Variants in DHRSX observed in about 807,000 individuals in gnomAD.
The protein encoded by DHRSX is dehydrogenase/reductase X-linked.
DHRSX carries 31 observed loss-of-function variants against 34.0 expected under a neutral mutation model. The observed-to-expected ratio is 0.91, with a 90% CI of 0.69 to 1.23. The LOEUF (loss-of-function observed/expected upper bound fraction) is 1.23. Among genes scored for constraint, DHRSX ranks in the 50% most tolerant of loss-of-function variants. DHRSX has a pLI of 0.00. For synonymous variants in DHRSX, 201 were observed against 183.8 expected, an observed-to-expected ratio of 1.09 and a Z score of -0.76; for missense variants, 414 against 428.1, an observed-to-expected ratio of 0.97 and a Z score of 0.29.
intron 5 of DHRSX, among the ~76,000 whole-genome samples, chrX:2,265,240 T>C (rs750446897): frequency 1.8e-4 from 2 of 11,014 alleles, no homozygotes; most frequent in East Asian, 3.7e-3. Flanking sequence ...GCACCAGTGC[T>C]CAGCAGACGC....
chrX:2,414,709 C>G (rs1377721360), intron 2 of DHRSX, among the ~76,000 whole-genome samples: 2 of 151,512 alleles, frequency 1.3e-5, no homozygotes, highest in African/African-American at 4.9e-5. Context: ...CACAACTAGA[C>G]TGCATCATAA....
intron 1 of DHRSX, among the ~76,000 whole-genome samples, chrX:2,448,373 A>G (rs1163683195): frequency 6.7e-6 from 1 of 149,350 alleles, no homozygotes; most frequent in Admixed American, 6.8e-5. Flanking sequence ...TTTCAGTTAC[A>G]TAAAAGAAAT....
intron 3 of DHRSX, among the ~76,000 whole-genome samples, chrX:2,371,592 T>C (rs2043070640): frequency 6.7e-6 from 1 of 150,340 alleles, no homozygotes; most frequent in South Asian, 2.1e-4. Context: ...CCTCCTCCCA[T>C]TAGCAGAGTC....
chrX:2,275,726 T>C (rs1233310278), intron 4 of DHRSX, among the ~76,000 whole-genome samples: 1 of 151,544 alleles, frequency 6.6e-6, no homozygotes, highest in Non-Finnish European at 1.5e-5. Context: ...GAGGCGGAGA[T>C]TGCAGTGAGA....
intron 3 of DHRSX, among the ~76,000 whole-genome samples, chrX:2,360,994 A>G (rs1355786182): frequency 6.6e-6 from 1 of 152,178 alleles, no homozygotes; most frequent in Non-Finnish European, 1.5e-5. Context: ...TTTAGTGATG[A>G]TAAGAGCAAT....
intron 4 of DHRSX, among the ~76,000 whole-genome samples, chrX:2,268,914 C>T (rs1007130962): frequency 6.6e-6 from 1 of 152,198 alleles, no homozygotes; most frequent in African/African-American, 2.4e-5. Flanking sequence ...CATTTGTGCA[C>T]GTTTGCATTT....
chrX:2,390,822 CT>C (rs1308027778), intron 3 of DHRSX, among the ~76,000 whole-genome samples: 2 of 152,154 alleles, frequency 1.3e-5, no homozygotes, highest in Non-Finnish European at 2.9e-5. Flanking sequence ...AATATCCTTC[CT>C]TTTTTATGGC....
Position 2,231,593 on chromosome X carries a change from T to C in DHRSX, c.805-10364A>G, listed in dbSNP as rs763278446. Among the ~76,000 whole-genome samples, 6 of 51,996 alleles carry C rather than the reference T, an allele frequency of 1.2e-4. No homozygotes were observed. In the East Asian group the frequency reaches 4.2e-3, roughly 37 times the overall value. The allele number at this position is 51,996 out of a possible 152,430, so 34.1% of individuals were successfully genotyped here. On this transcript the variant is annotated intron_variant, in intron 6 of 6. Coordinates refer to ENST00000334651, the MANE Select transcript of DHRSX (RefSeq NM_145177.3). Reference sequence around the variant, plus strand: ...TCTTCCTCCTCCATCGTATCCTCCTTTTTCTTTTTTCCCTTATTCTCCTTT... The same window carrying C: ...TCTTCCTCCTCCATCGTATCCTCCTCTTTCTTTTTTCCCTTATTCTCCTTT...
intron 1 of DHRSX, among the ~76,000 whole-genome samples, chrX:2,492,342 C>T (rs1401052134): frequency 6.7e-6 from 1 of 149,986 alleles, no homozygotes; most frequent in African/African-American, 2.5e-5. Flanking sequence ...AGACAGAGGC[C>T]GAGACTGGAG....
At chrX:2,465,085 A>T (rs1281170734) in intron 1 of DHRSX, among the ~76,000 whole-genome samples, 2 of 152,054 alleles carry the variant, frequency 1.3e-5, no homozygotes, top group African/African-American at 4.8e-5. Context: ...CTCACTGAAG[A>T]CGTTCCCTAA....
intron 1 of DHRSX, among the ~76,000 whole-genome samples, chrX:2,470,167 T>A (rs2044567010): frequency 6.7e-6 from 1 of 149,842 alleles, no homozygotes; most frequent in South Asian, 2.1e-4. Context: ...TACTGTATCA[T>A]CTCGTATGTA....
intron 1 of DHRSX, among the ~76,000 whole-genome samples, chrX:2,498,625 G>GAAAA (rs10624636): frequency 4.5e-4 from 58 of 128,748 alleles, no homozygotes; most frequent in African/African-American, 1.6e-3. Context: ...CAGTAAATGG[G>GAAAA]AAAAAAAAAA....
At chrX:2,405,145 C>A (rs1346052060) in intron 3 of DHRSX, among the ~76,000 whole-genome samples, 1 of 145,928 alleles carries the variant, frequency 6.9e-6, no homozygotes, top group Non-Finnish European at 1.5e-5. Flanking sequence ...GGGGCATAGG[C>A]AGTGACCAGG....
chrX:2,467,584 A>G (rs147449016), intron 1 of DHRSX, among the ~76,000 whole-genome samples: 485 of 152,102 alleles, frequency 3.2e-3, no homozygotes, highest in African/African-American at 9.7e-3. Flanking sequence ...CAGGAATATT[A>G]TAACAGGGAC....
chrX:2,298,985 CAAAAAAAAAAAAAAA>C (rs1162323678), intron 3 of DHRSX, among the ~76,000 whole-genome samples: 2 of 88,536 alleles, frequency 2.3e-5, no homozygotes, highest in African/African-American at 1.1e-4. Context: ...AACTCTGTCT[CAAAAAAAAAAAAAAA>C]AAAAAAAAAA....
At chrX:2,446,760 G>A (rs186789477) in intron 1 of DHRSX, among the ~76,000 whole-genome samples, 2,477 of 149,668 alleles carry the variant, frequency 0.017, 72 homozygotes, top group African/African-American at 0.058. Flanking sequence ...AGAAGAAGAC[G>A]TTCCCTAAGA....
chrX:2,420,764 G>A (rs1237289038), intron 2 of DHRSX, among the ~76,000 whole-genome samples: 1 of 151,678 alleles, frequency 6.6e-6, no homozygotes, highest in Non-Finnish European at 1.5e-5. Flanking sequence ...AAAAAGAATG[G>A]ATAAAAAAAA....
chrX:2,245,724 A>G (rs760294007), intron 5 of DHRSX, among the ~76,000 whole-genome samples: 9 of 145,250 alleles, frequency 6.2e-5, no homozygotes, highest in African/African-American at 2.3e-4. Flanking sequence ...TTGGGAGGCC[A>G]AGGCGGGCGG....
chrX:2,328,345 A>G (rs1453759307), intron 3 of DHRSX, among the ~76,000 whole-genome samples: 1 of 151,730 alleles, frequency 6.6e-6, no homozygotes, highest in Non-Finnish European at 1.5e-5. Flanking sequence ...GAGGACACAG[A>G]CACACACATT....
Sources: gnomAD v4.1 joint callset for allele counts (sites outside exome capture counted in the v4.1 genomes callset) on GRCh38, gnomAD v4.1.1 for gene constraint, MANE v1.5 for transcripts, NCBI Gene and HGNC (gene_info 2026-07-23, HGNC 2026-07-21) for gene names.